ATF7IP2: variants seen among roughly 807,000 people sequenced by gnomAD.
ATF7IP2 encodes the protein activating transcription factor 7-interacting protein 2.
A neutral mutation model predicts 64.2 loss-of-function variants in ATF7IP2; 42 were observed. The ratio of observed to expected loss-of-function variants is 0.65; its 90% CI spans 0.51 to 0.85. ATF7IP2 has a LOEUF of 0.85. Among genes scored for constraint, ATF7IP2 ranks in the 40% least tolerant of loss-of-function variants. The pLI is 0.00. For missense variants in ATF7IP2, 933 were observed against 784.2 expected, an observed-to-expected ratio of 1.19 and a Z score of -2.27; for synonymous variants, 308 against 272.8, an observed-to-expected ratio of 1.13 and a Z score of -1.27.
rs1346611683 is a variant in ATF7IP2 at position 10,457,393 on chromosome 16, A to AT, written c.1220dup (p.Leu407PhefsTer3). 1 of 1,607,800 alleles carries AT rather than the reference A, an allele frequency of 6.2e-7. No individual in the cohort carries two copies. The highest frequency in any genetic ancestry group is 1.7e-5 in the Admixed American group (1 of 58,616). ...ATAGGTTGCAAATTCAGAGGCTATG[A>AT]TTTTGGATAAGAATCTTGAGTCAGT... is the stretch of plus-strand genomic sequence containing the variant. On this transcript the variant is annotated frameshift_variant, in exon 9 of 14. Coordinates refer to ENST00000562102, the MANE Select transcript of ATF7IP2 (RefSeq NM_001393719.1). LOFTEE classifies it high-confidence loss of function.
intron 8 of ATF7IP2, among the ~76,000 whole-genome samples, chr16:10,442,872 G>A (rs376483464): frequency 1.9e-4 from 29 of 152,178 alleles, no homozygotes; most frequent in Admixed American, 5.9e-4. Context: ...TCCAATCCAC[G>A]TTTTTATTAA....
chr16:10,423,443 T>C (rs2048025531), intron 3 of ATF7IP2, among the ~76,000 whole-genome samples: 1 of 152,166 alleles, frequency 6.6e-6, no homozygotes. Flanking sequence ...ATTTCCCTGT[T>C]GATATGGGTG....
intron 1 of ATF7IP2, among the ~76,000 whole-genome samples, chr16:10,400,376 T>A (rs2047504451): frequency 6.6e-6 from 1 of 152,184 alleles, no homozygotes; most frequent in African/African-American, 2.4e-5. Context: ...CTTAGTTTGT[T>A]TATTAAATTA....
intron 7 of ATF7IP2, among the ~76,000 whole-genome samples, chr16:10,439,381 G>A (rs1224724538): frequency 1.3e-5 from 2 of 151,116 alleles, no homozygotes; most frequent in Non-Finnish European, 2.9e-5. Flanking sequence ...GACTACAGGC[G>A]CCCGCCACCG....
chr16:10,457,596 A>G, intron 9 of ATF7IP2, 67 bp downstream of exon 9: 1 of 1,208,132 alleles, frequency 8.3e-7, no homozygotes, highest in Non-Finnish European at 1.1e-6. Flanking sequence ...TCTTCATCAC[A>G]GTTTTGGATC....
At chr16:10,412,453 G>A (rs924600854) in intron 1 of ATF7IP2, among the ~76,000 whole-genome samples, 1 of 152,072 alleles carries the variant, frequency 6.6e-6, no homozygotes, top group Non-Finnish European at 1.5e-5. Context: ...TTCAGGAGCA[G>A]GTTATTTAAT....
rs543410076 is a variant in ATF7IP2, at chr16:10,402,480, T to C, written c.-241-12094T>C. 1.9e-4 allele frequency among the ~76,000 whole-genome samples: 29 copies of C among 152,268 alleles called. 2 individuals are homozygous for C. In the South Asian group the frequency reaches 5.8e-3, roughly 31 times the overall value. ...ATTTTTCCTTTGGTTTGTTTCGTTT[T>C]GAGACAAGGTCTTACTCTGTCACCC... On this transcript the variant is annotated intron_variant, in intron 1 of 13. Transcript: ENST00000562102.
intron 9 of ATF7IP2, among the ~76,000 whole-genome samples, chr16:10,463,663 G>T (rs1006284623): frequency 1.3e-5 from 2 of 152,112 alleles, no homozygotes; most frequent in African/African-American, 4.8e-5. Flanking sequence ...AAAACGTGAG[G>T]TAGAACTCCT....
chr16:10,459,642 A>G (rs1036898708), intron 9 of ATF7IP2, among the ~76,000 whole-genome samples: 1 of 152,116 alleles, frequency 6.6e-6, no homozygotes, highest in Non-Finnish European at 1.5e-5. Flanking sequence ...GCAAGACTCT[A>G]TCTCAAAAAA....
chr16:10,406,939 A>T (rs1031283519), intron 1 of ATF7IP2, among the ~76,000 whole-genome samples: 24 of 152,212 alleles, frequency 1.6e-4, no homozygotes, highest in African/African-American at 5.8e-4. Flanking sequence ...AACCAAACAG[A>T]CACATAAAAA....
intron 12 of ATF7IP2, among the ~76,000 whole-genome samples, chr16:10,479,958 C>CTTTTT (rs201158427): frequency 5.5e-4 from 44 of 80,572 alleles, no homozygotes; most frequent in East Asian, 1.9e-3. Context: ...ACTGGAAATA[C>CTTTTT]TTTTTTTTTT....
chr16:10,469,404 A>T (rs2049704877), intron 9 of ATF7IP2, among the ~76,000 whole-genome samples: 1 of 152,066 alleles, frequency 6.6e-6, no homozygotes, highest in African/African-American at 2.4e-5. Flanking sequence ...CAGTGTCTGA[A>T]AATTTTCCAT....
chr16:10,418,697 G>A (rs2047926915), intron 2 of ATF7IP2, among the ~76,000 whole-genome samples: 1 of 152,194 alleles, frequency 6.6e-6, no homozygotes, highest in African/African-American at 2.4e-5. Context: ...TTTTAATTTT[G>A]CAATGTCCAA....
chr16:10,396,552 T>G (rs1221672210), intron 1 of ATF7IP2, among the ~76,000 whole-genome samples: 1 of 152,156 alleles, frequency 6.6e-6, no homozygotes, highest in African/African-American at 2.4e-5. Flanking sequence ...AGATGGAATC[T>G]TGCTCTGTGG....
At chr16:10,411,351 GT>G (rs55895645) in intron 1 of ATF7IP2, among the ~76,000 whole-genome samples, 78 of 141,030 alleles carry the variant, frequency 5.5e-4, no homozygotes, top group Non-Finnish European at 5.8e-4. Context: ...GGGCCTTTTT[GT>G]TTTTTTTTTT....
At chr16:10,402,990 G>A (rs2047565418) in intron 1 of ATF7IP2, among the ~76,000 whole-genome samples, 1 of 152,000 alleles carries the variant, frequency 6.6e-6, no homozygotes, top group Non-Finnish European at 1.5e-5. Context: ...TGAGAAAAAT[G>A]TATACTCTGT....
At chr16:10,443,942 G>T (rs1403765116) in intron 8 of ATF7IP2, among the ~76,000 whole-genome samples, 1 of 152,176 alleles carries the variant, frequency 6.6e-6, no homozygotes, top group Non-Finnish European at 1.5e-5. Flanking sequence ...TGAAAGTCCA[G>T]CCTTGGTACT....
intron 8 of ATF7IP2, among the ~76,000 whole-genome samples, chr16:10,455,725 T>A (rs991107445): frequency 6.6e-6 from 1 of 152,120 alleles, no homozygotes; most frequent in African/African-American, 2.4e-5. Context: ...TAAAAGGAAA[T>A]GAGCACAGTG....
chr16:10,408,514 C>CT (rs1470561941), intron 1 of ATF7IP2, among the ~76,000 whole-genome samples: 2 of 152,046 alleles, frequency 1.3e-5, no homozygotes, highest in Non-Finnish European at 2.9e-5. Context: ...TATTTTTTGA[C>CT]TTTTTGATTA....
Sources: allele counts gnomAD v4.1 joint callset (sites outside exome capture counted in the v4.1 genomes callset), GRCh38; gene constraint gnomAD v4.1.1; transcripts MANE v1.5; gene names NCBI Gene and HGNC (gene_info 2026-07-23, HGNC 2026-07-21).